The following KMT2A variants were observed in gnomAD, a reference collection of about 807,000 sequenced individuals.
KMT2A encodes histone-lysine N-methyltransferase 2A.
A neutral mutation model predicts 345.3 loss-of-function variants in KMT2A; 16 were observed. The observed-to-expected ratio is 0.05, with a 90% confidence interval of 0.03 to 0.07. The LOEUF is 0.07. Ranked by LOEUF, KMT2A falls within the 10% of genes least tolerant of loss-of-function variation. The pLI, the probability that KMT2A is intolerant of heterozygous loss-of-function variation, is 1.00. For synonymous variants in KMT2A, 1,599 were observed against 1,778.6 expected (o/e 0.90, Z 2.54); for missense variants, 3,272 against 4,841.6 (o/e 0.68, Z 9.62).
chr11:118,503,710 C>T lies in KMT2A; in HGVS notation c.7818C>T (p.Gly2606=), dbSNP rs1210189742. The change falls in exon 27 of 36, where the codon GGC becomes GGT. Residue 2606 remains glycine (G), a synonymous_variant. Coordinates refer to ENST00000534358, the MANE Select transcript of KMT2A (RefSeq NM_001197104.2). The surrounding 1 kb of genome is among the most constrained non-coding windows in gnomAD (Gnocchi z 5.3). The part of the protein sequence containing the change: ...VQDRNLMLPD[G]PKPQEDGSFK... Reference sequence around the variant, plus strand: ...ACAGAAACCTAATGCTTCCAGATGGCCCCAAACCTCAGGAGGATGGCTCTT... The same window carrying T: ...ACAGAAACCTAATGCTTCCAGATGGTCCCAAACCTCAGGAGGATGGCTCTT... 1 of 1,614,178 alleles carries T rather than the reference C, an allele frequency of 6.2e-7. No homozygotes were observed. Among genetic ancestry groups the T allele is most frequent in the Non-Finnish European group, 8.5e-7 (1 of 1,180,032 alleles).
At chr11:118,470,930 G>T (rs1246215592) in intron 2 of KMT2A, among the ~76,000 whole-genome samples, 1 of 152,158 alleles carries the variant, frequency 6.6e-6, no homozygotes, top group Non-Finnish European at 1.5e-5. Flanking sequence ...TTAATAAGTT[G>T]TCATTTTGCT....
intron 1 of KMT2A, among the ~76,000 whole-genome samples, chr11:118,441,954 C>T (rs782465152): frequency 5.3e-5 from 8 of 152,198 alleles, no homozygotes; most frequent in Non-Finnish European, 1.0e-4. Context: ...CCAATTGCCT[C>T]CCTTACCCTG....
At chr11:118,481,378 C>T (rs1950129489) in intron 6 of KMT2A, among the ~76,000 whole-genome samples, 1 of 152,162 alleles carries the variant, frequency 6.6e-6, no homozygotes, top group South Asian at 2.1e-4. Context: ...TGGCTTATTT[C>T]ACTTAACATA....
In KMT2A at chr11:118,501,844, G is replaced by A. The variant is rs145452548; in HGVS notation, c.6492G>A (p.Pro2164=). 2.5e-4 allele frequency: 398 copies of A among 1,611,822 alleles called. 2 individuals carry two copies. In the East Asian group the frequency reaches 7.4e-3, roughly 30 times the overall value. ...CACAGAGATCCCCTGGCTGTCGACC[G>A]TTGCCTTCTGCAGGTAAAAGACTTT... The part of the protein sequence containing the change: ...SPTQRSPGCR[P]LPSAGSPTPT... Residue 2164 remains proline, a synonymous_variant, in exon 26 of 36, where the codon CCG becomes CCA. Transcript: ENST00000534358.
chr11:118,491,996 G>T lies in KMT2A; in HGVS notation c.5004+68G>T, dbSNP rs532434991. 1.8e-6 allele frequency: 2 copies of T among 1,100,402 alleles called. No individual in the cohort carries two copies. The highest frequency in any genetic ancestry group is 3.2e-5 in the African/African-American group (2 of 63,490). 68.2% of individuals were successfully genotyped at this position (1,100,402 alleles called of 1,614,324 possible). On this transcript the variant is annotated intron_variant, in intron 15 of 35. Transcript: ENST00000534358. The surrounding 1 kb of genome is among the most constrained non-coding windows in gnomAD (Gnocchi z 4.2). ...AGTCTTTACCTAGTGTTTTTCTTTT[G>T]TTTTACTTCATTCTCCTCACTTAAT...
At chr11:118,452,458 G>A (rs1949558637) in intron 1 of KMT2A, among the ~76,000 whole-genome samples, 1 of 152,064 alleles carries the variant, frequency 6.6e-6, no homozygotes, top group South Asian at 2.1e-4. Context: ...CTTAAGCCCA[G>A]GAATAGGAGG....
At chr11:118,507,838 C>A in intron 28 of KMT2A, 1 of 419,462 alleles carries the variant, frequency 2.4e-6, no homozygotes, top group Non-Finnish European at 4.5e-6. Context: ...TGGCGGGCGC[C>A]TGTAGTCCCA....
In KMT2A at chr11:118,526,633, C is replaced by T. The variant is rs1015770722; in HGVS notation, c.*4461C>T. 1.7e-5 allele frequency: 4 copies of T among 231,012 alleles called. No homozygotes were observed. Among genetic ancestry groups the T allele is most frequent in the African/African-American group, 8.9e-5 (4 of 45,010 alleles). 14.3% of individuals were successfully genotyped at this position (231,012 alleles called of 1,614,324 possible). Reference sequence around the variant, plus strand: ...GTCTAAAGTCCATCAGTGTTAACTCCCTGTGACAGGGATGAAGGAAAATAC... The same window carrying T: ...GTCTAAAGTCCATCAGTGTTAACTCTCTGTGACAGGGATGAAGGAAAATAC... On this transcript the variant is annotated 3_prime_UTR_variant, in exon 36 of 36. Coordinates refer to ENST00000534358, the MANE Select transcript of KMT2A (RefSeq NM_001197104.2).
At position 118,498,511 on chromosome 11, in the gene KMT2A, G is replaced by C. The variant is rs2134368166; in HGVS notation, c.5944G>C (p.Asp1982His). Residue 1982 changes from aspartate to histidine, a missense_variant, in exon 22 of 36, where the codon GAT becomes CAT. Around this residue, in one of 27 missense-constraint regions of KMT2A, gnomAD observed 235 missense variants for 503.4 expected, o/e 0.47. Coordinates refer to ENST00000534358, the MANE Select transcript of KMT2A (RefSeq NM_001197104.2). This position sits in a 1 kb window ranked among gnomAD's most constrained non-coding sequence, Gnocchi z 4.4. ...AAAAGTATATTGCCAACGACATCGG[G>C]ATTTGATCAAAGGCGAAGTGAGAGA... ...DKKVYCQRHR[D>H]LIKGEVVPEN... 1 of 1,609,432 alleles carries C rather than the reference G, an allele frequency of 6.2e-7. No individual in the cohort carries two copies. Among genetic ancestry groups the C allele is most frequent in the Non-Finnish European group, 8.5e-7 (1 of 1,178,498 alleles).
chr11:118,466,035 GA>G (rs1949837279), intron 1 of KMT2A, among the ~76,000 whole-genome samples: 3 of 152,148 alleles, frequency 2.0e-5, no homozygotes, highest in Non-Finnish European at 4.4e-5. Flanking sequence ...CTTGTTTTAA[GA>G]TGAAGAGAGA....
intron 1 of KMT2A, among the ~76,000 whole-genome samples, chr11:118,461,664 A>G (rs1949746094): frequency 6.6e-6 from 1 of 152,216 alleles, no homozygotes; most frequent in African/African-American, 2.4e-5. Context: ...GTCCCTAGTC[A>G]TGTATAGCAT....
chr11:118,493,111 A>G lies in KMT2A; in HGVS notation c.5059A>G (p.Ser1687Gly), dbSNP rs2134345755. ...GACAGAGGAGAGTATACCTTCCCGC[A>G]GCTCCCCCGAAGGACCTGATCCACC... ...PETEESIPSR[S>G]SPEGPDPPVL... Residue 1687 changes from serine (S) to glycine (G), a missense_variant, in exon 16 of 36, where the codon AGC becomes GGC. By Grantham distance (56) the Ser-to-Gly change is moderately conservative. This residue lies in a region of KMT2A where 66 missense variants were observed against 80.1 expected (regional missense o/e 0.82). Coordinates refer to ENST00000534358, the MANE Select transcript of KMT2A (RefSeq NM_001197104.2). The surrounding 1 kb of genome is among the most constrained non-coding windows in gnomAD (Gnocchi z 5.8). The G allele has an allele frequency of 6.2e-7, 1 of 1,613,984 alleles. No homozygotes were observed. Among genetic ancestry groups the G allele is most frequent in the East Asian group, 2.2e-5 (1 of 44,872 alleles).
chr11:118,514,368 T>G (rs1281069619), intron 31 of KMT2A, among the ~76,000 whole-genome samples: 1 of 151,892 alleles, frequency 6.6e-6, no homozygotes, highest in Non-Finnish European at 1.5e-5. Context: ...TTTCCCCACT[T>G]CCCTCACTGC....
chr11:118,455,406 C>A (rs921929198), intron 1 of KMT2A, among the ~76,000 whole-genome samples: 1 of 152,212 alleles, frequency 6.6e-6, no homozygotes, highest in South Asian at 2.1e-4. Context: ...TTAAGTCTTT[C>A]TTACTCTAGT....
intron 1 of KMT2A, among the ~76,000 whole-genome samples, chr11:118,463,971 T>G (rs1454144157): frequency 6.6e-6 from 1 of 152,190 alleles, no homozygotes; most frequent in Non-Finnish European, 1.5e-5. Flanking sequence ...ACATAAAATT[T>G]ATGGTGAAGC....
intron 1 of KMT2A, among the ~76,000 whole-genome samples, chr11:118,465,366 T>G (rs1353981220): frequency 1.3e-5 from 2 of 152,254 alleles, no homozygotes; most frequent in African/African-American, 2.4e-5. Context: ...ATAGCTGGTA[T>G]CATGGCTTAC....
At position 118,503,689 on chromosome 11, in the gene KMT2A, A is replaced by G; in HGVS notation, c.7797A>G (p.Arg2599=). The G allele has an allele frequency of 6.2e-7, 1 of 1,614,224 alleles. No homozygotes were observed. Among genetic ancestry groups the G allele is most frequent in the Non-Finnish European group, 8.5e-7 (1 of 1,180,026 alleles). Residue 2599 remains arginine, a synonymous_variant, in exon 27 of 36, where the codon AGA becomes AGG. Transcript: ENST00000534358. This position sits in a 1 kb window ranked among gnomAD's most constrained non-coding sequence, Gnocchi z 5.3. ...ATCAGAATCTTCCAGTACAGGACAG[A>G]AACCTAATGCTTCCAGATGGCCCCA... The part of the protein sequence containing the change: ...NNYQNLPVQD[R]NLMLPDGPKP...
In KMT2A at chr11:118,522,338, T is replaced by A; in HGVS notation, c.*166T>A. 1 of 648,082 alleles carries A rather than the reference T, an allele frequency of 1.5e-6. No homozygotes were observed. The highest frequency in any genetic ancestry group is 2.6e-6 in the Non-Finnish European group (1 of 381,104). 40.1% of individuals were successfully genotyped at this position (648,082 alleles called of 1,614,324 possible). On this transcript the variant is annotated 3_prime_UTR_variant, in exon 36 of 36. Transcript: ENST00000534358. The surrounding 1 kb of genome is among the most constrained non-coding windows in gnomAD (Gnocchi z 5.4). ...TCCTATACTCACATCAGACATGTGA[T>A]CATAGTCCCAGAGACAGAGTTGAGG...
At chr11:118,518,922 G>A (rs1270279768) in intron 31 of KMT2A, among the ~76,000 whole-genome samples, 1 of 148,450 alleles carries the variant, frequency 6.7e-6, no homozygotes, top group Non-Finnish European at 1.5e-5. Context: ...CTAAAAATAC[G>A]AAAAAAATTA....
Sources: allele counts gnomAD v4.1 joint callset (sites outside exome capture counted in the v4.1 genomes callset), GRCh38; gene constraint gnomAD v4.1.1; regional missense constraint gnomAD v4.1.1; non-coding constraint Gnocchi (gnomAD v3.1); transcripts MANE v1.5; gene names NCBI Gene and HGNC (gene_info 2026-07-23, HGNC 2026-07-21).